The following SNTG1 variants were observed in gnomAD, a reference collection of about 807,000 sequenced individuals.
SNTG1 encodes the protein gamma-1-syntrophin.
A neutral mutation model predicts 74.7 loss-of-function variants in SNTG1; 39 were observed. That is an observed-to-expected ratio of 0.52 (90% CI 0.40 to 0.68). SNTG1 has a LOEUF of 0.68. Ranked by LOEUF, SNTG1 falls within the 30% of genes least tolerant of loss-of-function variation. The pLI is 0.00. For synonymous variants in SNTG1, 254 were observed against 217.1 expected (o/e 1.17, Z -1.49); for missense variants, 685 against 609.5 (o/e 1.12, Z -1.30).
intron 13 of SNTG1, among the ~76,000 whole-genome samples, chr8:50,608,009 G>A (rs2094824979): frequency 6.6e-6 from 1 of 151,348 alleles, no homozygotes. Flanking sequence ...CGTTTTTGGA[G>A]CTCCCCTATT....
At chr8:50,130,614 T>C (rs1379179499) in intron 1 of SNTG1, among the ~76,000 whole-genome samples, 2 of 96,724 alleles carry the variant, frequency 2.1e-5, no homozygotes, top group African/African-American at 6.8e-5. Context: ...CTTATAAAAA[T>C]TAGAAAGAAT....
intron 1 of SNTG1, among the ~76,000 whole-genome samples, chr8:49,967,719 A>C (rs1178587720): frequency 6.6e-6 from 1 of 152,190 alleles, no homozygotes; most frequent in Admixed American, 6.5e-5. Context: ...AGAATTGATA[A>C]GTGTTAATTA....
intron 13 of SNTG1, among the ~76,000 whole-genome samples, chr8:50,642,475 G>A (rs747537798): frequency 6.6e-6 from 1 of 152,146 alleles, no homozygotes; most frequent in Non-Finnish European, 1.5e-5. Context: ...TGCAACTGAA[G>A]GCACATTCCA....
At chr8:50,372,721 C>A (rs1217685634) in intron 2 of SNTG1, among the ~76,000 whole-genome samples, 1 of 151,942 alleles carries the variant, frequency 6.6e-6, no homozygotes, top group Non-Finnish European at 1.5e-5. Flanking sequence ...AAGAAAAAAT[C>A]ATTAAAATCC....
At chr8:50,492,394 G>A (rs766937726) in intron 8 of SNTG1, among the ~76,000 whole-genome samples, 13 of 152,048 alleles carry the variant, frequency 8.5e-5, no homozygotes, top group South Asian at 2.1e-4. Flanking sequence ...CATCCTCTCC[G>A]GCATCTGTTG....
At chr8:50,432,783 T>G (rs2131534007) in intron 4 of SNTG1, among the ~76,000 whole-genome samples, 1 of 152,040 alleles carries the variant, frequency 6.6e-6, no homozygotes, top group East Asian at 1.9e-4. Flanking sequence ...ATTTTATTTT[T>G]TATTTTATTT....
intron 2 of SNTG1, among the ~76,000 whole-genome samples, chr8:50,302,723 T>A (rs2130681554): frequency 6.6e-6 from 1 of 151,718 alleles, no homozygotes; most frequent in Non-Finnish European, 1.5e-5. Flanking sequence ...TCATAAATGA[T>A]GCCTTTCAGC....
chr8:50,456,789 T>C (rs962634422), intron 8 of SNTG1, among the ~76,000 whole-genome samples: 1 of 152,100 alleles, frequency 6.6e-6, no homozygotes, highest in African/African-American at 2.4e-5. Context: ...CCCCAGCCGA[T>C]TTCCTTGGAG....
At chr8:50,092,774 C>T (rs1240174634) in intron 1 of SNTG1, among the ~76,000 whole-genome samples, 3 of 152,118 alleles carry the variant, frequency 2.0e-5, no homozygotes, top group Non-Finnish European at 2.9e-5. Context: ...AACCATGTTA[C>T]ACTGACAAAC....
rs374171876 is a variant in SNTG1, at chr8:50,657,893, T to C, written c.967-699T>C. ...CAGCTCAGAAGACACTTAATAAATA[T>C]TTATTGAATATAAATACCAAATGCC... On this transcript the variant is annotated intron_variant, in intron 14 of 18. Coordinates refer to ENST00000642720, the MANE Select transcript of SNTG1 (RefSeq NM_018967.5). Among the ~76,000 whole-genome samples, 6 of 152,230 alleles carry C rather than the reference T, an allele frequency of 3.9e-5. No individual in the cohort carries two copies. The East Asian group carries it at 5.8e-4, about 15-fold the overall frequency.
At chr8:50,292,400 C>A (rs1034709927) in intron 2 of SNTG1, among the ~76,000 whole-genome samples, 5 of 152,116 alleles carry the variant, frequency 3.3e-5, no homozygotes, top group African/African-American at 9.7e-5. Flanking sequence ...AATGATGCTG[C>A]GGTCCTGAGG....
At chr8:50,306,371 C>G (rs1216098724) in intron 2 of SNTG1, among the ~76,000 whole-genome samples, 1 of 151,860 alleles carries the variant, frequency 6.6e-6, no homozygotes, top group Admixed American at 6.6e-5. Flanking sequence ...GTGCATGTGT[C>G]TTTTTCATAT....
chr8:50,244,161 G>C (rs1758452481), intron 2 of SNTG1, among the ~76,000 whole-genome samples: 1 of 152,004 alleles, frequency 6.6e-6, no homozygotes, highest in South Asian at 2.1e-4. Context: ...TAGTGGGAAG[G>C]GGAGTACCAT....
At chr8:50,652,323 TA>T (rs1585965847) in intron 13 of SNTG1, among the ~76,000 whole-genome samples, 1 of 152,308 alleles carries the variant, frequency 6.6e-6, no homozygotes, top group East Asian at 1.9e-4. Flanking sequence ...TCAAGTGTCT[TA>T]AACATAATAA....
intron 13 of SNTG1, among the ~76,000 whole-genome samples, chr8:50,608,434 G>A (rs1585833543): frequency 6.6e-6 from 1 of 151,522 alleles, no homozygotes; most frequent in East Asian, 1.9e-4. Flanking sequence ...ATTGACATTT[G>A]TGTCATCATG....
rs534001178 is a variant in SNTG1, at chr8:50,153,995, C to T, written c.-102-18566C>T. ...CCTTTTGTTAGGCTATGCCCTGCCT[C>T]CAGAGGTGGAGTCTACAGAGGCATG... On this transcript the variant is annotated intron_variant, in intron 1 of 18. Transcript: ENST00000642720. Among the ~76,000 whole-genome samples the T allele has an allele frequency of 2.0e-5, 3 of 152,304 alleles. No homozygotes were observed. In the South Asian group the frequency reaches 6.2e-4, roughly 32 times the overall value.
intron 8 of SNTG1, among the ~76,000 whole-genome samples, chr8:50,475,953 C>T (rs2093694065): frequency 6.6e-6 from 1 of 152,124 alleles, no homozygotes; most frequent in Non-Finnish European, 1.5e-5. Flanking sequence ...ATAAACAAGT[C>T]ATACGTTTTA....
At chr8:50,591,851 G>A (rs909021035) in intron 13 of SNTG1, among the ~76,000 whole-genome samples, 14 of 152,272 alleles carry the variant, frequency 9.2e-5, no homozygotes, top group African/African-American at 3.4e-4. Flanking sequence ...CCTCTGCCCT[G>A]AGCCAAGTTG....
rs2093788675 is a variant in SNTG1, at chr8:50,485,924, G to T, written c.364-16854G>T. On this transcript the variant is annotated intron_variant, in intron 8 of 18. Transcript: ENST00000642720. The stretch of plus-strand genomic sequence containing the variant: ...TTTTCCCAGCACCATTTATTAAATA[G>T]GGAATCCTGTCCCCATTGCTTGTTT... 2.0e-5 allele frequency among the ~76,000 whole-genome samples: 3 copies of T among 151,096 alleles called. No homozygotes were observed. The South Asian group carries it at 6.3e-4, about 32-fold the overall frequency.
Sources: gnomAD v4.1 joint callset for allele counts (sites outside exome capture counted in the v4.1 genomes callset) on GRCh38, gnomAD v4.1.1 for gene constraint, MANE v1.5 for transcripts, NCBI Gene and HGNC (gene_info 2026-07-23, HGNC 2026-07-21) for gene names.